The following DOCK7 variants were observed in gnomAD, a reference collection of about 807,000 sequenced individuals.
DOCK7 encodes the protein dedicator of cytokinesis protein 7.
DOCK7 carries 138 observed loss-of-function variants against 271.0 expected under a neutral mutation model. The observed-to-expected ratio is 0.51, with a 90% CI of 0.44 to 0.59. DOCK7 has a LOEUF of 0.59. Among genes scored for constraint, DOCK7 ranks in the 20% least tolerant of loss-of-function variants. The probability of loss-of-function intolerance (pLI) is 0.00; values close to 1 mark genes in which losing one functional copy is unlikely to be tolerated. For synonymous variants in DOCK7, 823 were observed against 876.1 expected, an observed-to-expected ratio of 0.94 and a Z score of 1.07; for missense variants, 2,066 against 2,592.4, an observed-to-expected ratio of 0.80 and a Z score of 4.41.
intron 37 of DOCK7, among the ~76,000 whole-genome samples, chr1:62,500,755 G>A (rs1646758870): frequency 1.3e-5 from 2 of 151,804 alleles, no homozygotes; most frequent in African/African-American, 2.4e-5. Flanking sequence ...TTCCTATGAG[G>A]TGTTCTTTAT....
At chr1:62,641,457 G>T in intron 7 of DOCK7, 1 of 417,976 alleles carries the variant, frequency 2.4e-6, no homozygotes, top group South Asian at 1.8e-5. Context: ...TTGGTCTTGT[G>T]GGGCAGCATG....
At chr1:62,602,690 T>G (rs1488328891) in intron 14 of DOCK7, among the ~76,000 whole-genome samples, 1 of 151,694 alleles carries the variant, frequency 6.6e-6, no homozygotes, top group Admixed American at 6.6e-5. Flanking sequence ...ATGTCATAAG[T>G]AGTAACTGTT....
At chr1:62,608,001 G>A (rs911384250) in intron 14 of DOCK7, 1 of 152,150 alleles carries the variant, frequency 6.6e-6, no homozygotes, top group Non-Finnish European at 1.5e-5. Context: ...AGAATCGCTG[G>A]AGCCTGGGAA....
At chr1:62,507,836 G>T (rs1196556711) in intron 35 of DOCK7, 126 bp downstream of exon 35, 1 of 795,396 alleles carries the variant, frequency 1.3e-6, no homozygotes, top group South Asian at 1.7e-5. Flanking sequence ...AGAATGCTTG[G>T]AACGAAACTT....
At chr1:62,596,759 G>T (rs1649313103) in intron 14 of DOCK7, among the ~76,000 whole-genome samples, 1 of 152,064 alleles carries the variant, frequency 6.6e-6, no homozygotes, top group Admixed American at 6.6e-5. Context: ...GACATTGAAG[G>T]TATTTAAGAT....
At chr1:62,578,526 C>T (rs1647006922) in intron 17 of DOCK7, among the ~76,000 whole-genome samples, 1 of 151,976 alleles carries the variant, frequency 6.6e-6, no homozygotes, top group South Asian at 2.1e-4. Flanking sequence ...TTGAGACCAA[C>T]TTGGCAAACA....
In DOCK7 at chr1:62,544,940, A is replaced by C. The variant is rs1645653140; in HGVS notation, c.2859+7T>G. On this transcript the variant is annotated splice_region_variant and intron_variant, in intron 23 of 49. Transcript: ENST00000635253. ...GCCAATAAAGAAACCTCTAATATAA[A>C]CACCACCTGTGTTGATTCTGCACTT... The C allele has an allele frequency of 6.5e-7, 1 of 1,546,946 alleles. No homozygotes were observed. The highest frequency in any genetic ancestry group is 1.4e-5 in the African/African-American group (1 of 72,876).
At chr1:62,664,943 G>T (rs1659118754) in intron 1 of DOCK7, among the ~76,000 whole-genome samples, 1 of 152,174 alleles carries the variant, frequency 6.6e-6, no homozygotes, top group Non-Finnish European at 1.5e-5. Context: ...GTAATCCTTT[G>T]TCTGAAAAGA....
intron 49 of DOCK7, among the ~76,000 whole-genome samples, chr1:62,456,343 C>T (rs1037551805): frequency 2.6e-5 from 4 of 152,146 alleles, no homozygotes; most frequent in South Asian, 2.1e-4. Flanking sequence ...GTGAAGGGAA[C>T]GATACTCCTG....
chr1:62,625,661 G>A (rs1653859743), intron 11 of DOCK7, among the ~76,000 whole-genome samples: 1 of 152,170 alleles, frequency 6.6e-6, no homozygotes, highest in Admixed American at 6.5e-5. Flanking sequence ...GAGCCACAAA[G>A]AGCAGCTATA....
intron 29 of DOCK7, among the ~76,000 whole-genome samples, chr1:62,534,356 G>A (rs1645271819): frequency 6.6e-6 from 1 of 152,082 alleles, no homozygotes; most frequent in African/African-American, 2.4e-5. Context: ...GCTCACGCCT[G>A]TAATCCTAGC....
intron 29 of DOCK7, among the ~76,000 whole-genome samples, chr1:62,533,071 C>T (rs1274913320): frequency 6.6e-6 from 1 of 152,132 alleles, no homozygotes; most frequent in Non-Finnish European, 1.5e-5. Flanking sequence ...TGCTAAAAAC[C>T]TATCTTTCTG....
chr1:62,477,978 A>C, intron 43 of DOCK7, 153 bp from the exon 44 acceptor site: 1 of 847,540 alleles, frequency 1.2e-6, no homozygotes, highest in South Asian at 2.6e-5. Context: ...GGTTTAAACA[A>C]AGTAAACAGT....
At chr1:62,525,376 G>C (rs1644976296) in intron 31 of DOCK7, among the ~76,000 whole-genome samples, 1 of 152,094 alleles carries the variant, frequency 6.6e-6, no homozygotes, top group Non-Finnish European at 1.5e-5. Context: ...AGTTTGGTGG[G>C]TTGCTGTGGT....
intron 14 of DOCK7, among the ~76,000 whole-genome samples, chr1:62,599,632 T>C (rs1424878906): frequency 6.6e-6 from 1 of 152,070 alleles, no homozygotes; most frequent in Non-Finnish European, 1.5e-5. Context: ...TATTTGTATA[T>C]ACTCCAGAAT....
At chr1:62,649,668 G>C (rs1220422213) in intron 4 of DOCK7, among the ~76,000 whole-genome samples, 2 of 152,116 alleles carry the variant, frequency 1.3e-5, no homozygotes, top group African/African-American at 2.4e-5. Flanking sequence ...CTGTCCTCTA[G>C]TCTGTTGCTA....
chr1:62,558,097 C>G (rs1225016251), intron 20 of DOCK7, among the ~76,000 whole-genome samples: 1 of 152,036 alleles, frequency 6.6e-6, no homozygotes, highest in Non-Finnish European at 1.5e-5. Flanking sequence ...TGTGGAAGAC[C>G]CAACTTCATC....
intron 37 of DOCK7, among the ~76,000 whole-genome samples, chr1:62,501,399 A>G (rs963190731): frequency 1.3e-5 from 2 of 152,244 alleles, no homozygotes; most frequent in African/African-American, 4.8e-5. Flanking sequence ...TTAACTATCT[A>G]CAGTAGACAT....
chr1:62,616,244 G>A (rs1652416411), intron 14 of DOCK7, among the ~76,000 whole-genome samples: 1 of 151,622 alleles, frequency 6.6e-6, no homozygotes, highest in African/African-American at 2.4e-5. Context: ...CTTGGTATGA[G>A]CGCATTACTC....
Sources: allele counts gnomAD v4.1 joint callset (sites outside exome capture counted in the v4.1 genomes callset), GRCh38; gene constraint gnomAD v4.1.1; transcripts MANE v1.5; gene names NCBI Gene and HGNC (gene_info 2026-07-23, HGNC 2026-07-21).